Variants in ARHGEF18 observed in about 807,000 individuals in gnomAD.
The protein encoded by ARHGEF18 is rho guanine nucleotide exchange factor 18.
ARHGEF18 carries 93 observed loss-of-function variants against 155.7 expected under a neutral mutation model. That is an observed-to-expected ratio of 0.60 (90% CI 0.50 to 0.71). The LOEUF (loss-of-function observed/expected upper bound fraction) is 0.71. Among genes scored for constraint, ARHGEF18 ranks in the 30% least tolerant of loss-of-function variants. The probability of loss-of-function intolerance (pLI) is 0.00; values close to 1 mark genes in which losing one functional copy is unlikely to be tolerated. For synonymous variants in ARHGEF18, 742 were observed against 753.1 expected, an observed-to-expected ratio of 0.99 and a Z score of 0.24; for missense variants, 1,593 against 1,816.1, an observed-to-expected ratio of 0.88 and a Z score of 2.23.
chr19:7,370,071 C>A (rs975834344), intron 2 of ARHGEF18, among the ~76,000 whole-genome samples: 1 of 151,962 alleles, frequency 6.6e-6, no homozygotes, highest in Admixed American at 6.6e-5. Context: ...GTGGTGCACA[C>A]CTGTAATCCC....
Position 7,463,417 on chromosome 19 carries a change from A to G in ARHGEF18, c.2636-401A>G, listed in dbSNP as rs149832278. On this transcript the variant is annotated intron_variant, in intron 21 of 28. Coordinates refer to ENST00000668164, the MANE Select transcript of ARHGEF18 (RefSeq NM_001367823.1). This position sits in a 1 kb window ranked among gnomAD's most constrained non-coding sequence, Gnocchi z 5.2. Reference sequence around the variant, plus strand: ...CCCTTCCCCACAAAGTCACTCTCCCATATGGCCATTGTCACACAATCAGTG... The same window carrying G: ...CCCTTCCCCACAAAGTCACTCTCCCGTATGGCCATTGTCACACAATCAGTG... Among the ~76,000 whole-genome samples, 182 of 152,282 alleles carry G rather than the reference A, an allele frequency of 1.2e-3. No individual in the cohort carries two copies. In the Middle Eastern group the frequency reaches 0.034, roughly 28 times the overall value.
intron 10 of ARHGEF18, among the ~76,000 whole-genome samples, chr19:7,409,694 G>A (rs994721672): frequency 2.0e-5 from 3 of 151,698 alleles, no homozygotes; most frequent in East Asian, 1.9e-4. Flanking sequence ...GGCCCACCTC[G>A]GCCTCCCAGA....
In ARHGEF18 at chr19:7,459,650, T is replaced by C. The variant is rs979141659; in HGVS notation, c.2361-253T>C. 2.6e-5 allele frequency among the ~76,000 whole-genome samples: 4 copies of C among 152,268 alleles called. No individual in the cohort carries two copies. The South Asian group carries it at 8.3e-4, about 31-fold the overall frequency. ...CCTGGCAGGTCCTCTGCAAGCCCGC[T>C]GTCCCCTGGACTCCTCCTCTAAGTC... On this transcript the variant is annotated intron_variant, in intron 19 of 28. Transcript: ENST00000668164.
In ARHGEF18 at chr19:7,418,472, C is replaced by T. The variant is rs1271072706; in HGVS notation, c.968-21872C>T. Among the ~76,000 whole-genome samples, 5 of 151,600 alleles carry T rather than the reference C, an allele frequency of 3.3e-5. No individual in the cohort carries two copies. In the East Asian group the frequency reaches 9.7e-4, roughly 29 times the overall value. ...GTTTTGCAATGTTACCCAGACTGGT[C>T]TCAAACTCCTGGGCTCAAGCATTCC... On this transcript the variant is annotated intron_variant, in intron 10 of 28. Transcript: ENST00000668164.
rs1272087386 is a variant in ARHGEF18 at position 7,470,549 on chromosome 19, TG to T, written c.*253del. 7.4e-6 allele frequency: 3 copies of T among 403,052 alleles called. No homozygotes were observed. The highest frequency in any genetic ancestry group is 1.3e-5 in the Non-Finnish European group (3 of 231,602). The allele number at this position is 403,052 out of a possible 1,614,324, so 25.0% of individuals were successfully genotyped here. A position where few individuals can be genotyped will look rare whatever the true frequency, so the allele number is the denominator to read the frequency against. On this transcript the variant is annotated 3_prime_UTR_variant, in exon 29 of 29. Coordinates refer to ENST00000668164, the MANE Select transcript of ARHGEF18 (RefSeq NM_001367823.1). This position sits in a 1 kb window ranked among gnomAD's most constrained non-coding sequence, Gnocchi z 5.9. The stretch of plus-strand genomic sequence containing the variant: ...TTTTTTCAAAAAGGAAAGTTTTTAA[TG>T]GAAAGTTGAGCCAGAACTAAACCAG...
At chr19:7,380,493 CTG>C (rs1255499365) in intron 7 of ARHGEF18, among the ~76,000 whole-genome samples, 2 of 131,970 alleles carry the variant, frequency 1.5e-5, no homozygotes, top group Non-Finnish European at 3.2e-5. Context: ...AAAAAAAAAA[CTG>C]TGTAAGATTT....
intron 10 of ARHGEF18, among the ~76,000 whole-genome samples, chr19:7,431,939 T>C (rs1460312228): frequency 1.3e-5 from 2 of 152,218 alleles, no homozygotes; most frequent in Non-Finnish European, 2.9e-5. Flanking sequence ...GACGTGTAGT[T>C]TGGGGTAGGA....
chr19:7,458,572 G>C lies in ARHGEF18; in HGVS notation c.2242G>C (p.Glu748Gln), dbSNP rs1385587741. 3 of 1,614,160 alleles carry C rather than the reference G, an allele frequency of 1.9e-6. No homozygotes were observed. The highest frequency in any genetic ancestry group is 4.5e-5 in the East Asian group (2 of 44,866). The change falls in exon 19 of 29, where the codon GAG becomes CAG. Residue 748 changes from glutamate to glutamine, a missense_variant. By Grantham distance (29) the Glu-to-Gln change is conservative. Transcript: ENST00000668164. ...KLIVREVANE[E>Q]KAMFLISASL... ...CATCGTGAGGGAAGTGGCCAACGAG[G>C]AGAAAGCGATGTTTCTGATCAGCGC...
chr19:7,453,630 C>T lies in ARHGEF18; in HGVS notation c.2019C>T (p.Leu673=), dbSNP rs755502430. 3.1e-6 allele frequency: 5 copies of T among 1,612,548 alleles called. 1 individual carries two copies. The highest frequency in any genetic ancestry group is 2.2e-5 in the East Asian group (1 of 44,834). The change falls in exon 17 of 29, where the codon CTC becomes CTT. Residue 673 remains leucine (L), a synonymous_variant. Transcript: ENST00000668164. ...CTTCCAGCAAACTCAAGAACGGGCT[C>T]ACCTTCCGCAAGGAAGACATGCTTC... is the stretch of plus-strand genomic sequence containing the variant. ...LKSSSKLKNG[L]TFRKEDMLQR...
rs1386302480 is a variant in ARHGEF18, at chr19:7,463,469, A to C, written c.2636-349A>C. Among the ~76,000 whole-genome samples, 1 of 152,052 alleles carries C rather than the reference A, an allele frequency of 6.6e-6. No homozygotes were observed. Among genetic ancestry groups the C allele is most frequent in the Non-Finnish European group, 1.5e-5 (1 of 67,992 alleles). On this transcript the variant is annotated intron_variant, in intron 21 of 28. Transcript: ENST00000668164. The surrounding 1 kb of genome is among the most constrained non-coding windows in gnomAD (Gnocchi z 5.2). ...ATGGTCATTGTCATATAACACACCA[A>C]GTGTTTCCTGCTGGCCCTGGGCAGG...
At chr19:7,383,320 C>T (rs1970836966) in intron 10 of ARHGEF18, 117 bp downstream of exon 10, 2 of 1,160,018 alleles carry the variant, frequency 1.7e-6, no homozygotes, top group Non-Finnish European at 2.2e-6. Flanking sequence ...CTGTTTTGCC[C>T]TCTCCTCGGC....
chr19:7,350,119 C>T (rs934341665), intron 1 of ARHGEF18, among the ~76,000 whole-genome samples: 9 of 152,142 alleles, frequency 5.9e-5, no homozygotes, highest in South Asian at 2.1e-4. Flanking sequence ...CCTGCACCAC[C>T]GCCTGCCTGG....
Position 7,376,676 on chromosome 19 carries a change from A to G in ARHGEF18, c.460A>G (p.Arg154Gly). Reference protein sequence around the residue: ...CDSPKKRGRSRSVPVSFYEIR... With the variant: ...CDSPKKRGRSGSVPVSFYEIR... The stretch of plus-strand genomic sequence containing the variant: ...CAGCCCCAAGAAAAGAGGGAGGTCA[A>G]GGTCCGTTCCTGTGTCCTTCTATGA... The change falls in exon 5 of 29, where the codon AGG becomes GGG. Residue 154 changes from arginine to glycine, a missense_variant. By Grantham distance (125) the Arg-to-Gly change is moderately radical. Coordinates refer to ENST00000668164, the MANE Select transcript of ARHGEF18 (RefSeq NM_001367823.1). The G allele has an allele frequency of 8.1e-7, 1 of 1,234,484 alleles. No individual in the cohort carries two copies. 76.5% of individuals were successfully genotyped at this position (1,234,484 alleles called of 1,614,324 possible).
At chr19:7,436,646 T>G (rs1022627624) in intron 10 of ARHGEF18, among the ~76,000 whole-genome samples, 4 of 152,102 alleles carry the variant, frequency 2.6e-5, no homozygotes, top group African/African-American at 7.2e-5. Context: ...CTGATTTCAG[T>G]CAAGACCTCA....
Position 7,404,550 on chromosome 19 carries a change from C to T in ARHGEF18, c.967+21347C>T, listed in dbSNP as rs150204935. Among the ~76,000 whole-genome samples, 1,665 of 149,836 alleles carry T rather than the reference C, an allele frequency of 0.011. 123 individuals are homozygous for T. In the East Asian group the frequency reaches 0.19, roughly 17 times the overall value. On this transcript the variant is annotated intron_variant, in intron 10 of 28. Transcript: ENST00000668164. Reference sequence around the variant, plus strand: ...TCTCGGCTCACTGCAATCTCCGTCTCCCGGGTTCAAGTGATTCTCCTGCCT... The same window carrying T: ...TCTCGGCTCACTGCAATCTCCGTCTTCCGGGTTCAAGTGATTCTCCTGCCT...
chr19:7,397,391 A>G (rs765324812), intron 10 of ARHGEF18, among the ~76,000 whole-genome samples: 2 of 151,908 alleles, frequency 1.3e-5, no homozygotes, highest in Non-Finnish European at 2.9e-5. Context: ...ACAAACTCCC[A>G]AGTAGCTGGG....
rs1432147539 is a variant in ARHGEF18, at chr19:7,395,598, G to A, written c.967+12395G>A. On this transcript the variant is annotated intron_variant, in intron 10 of 28. Coordinates refer to ENST00000668164, the MANE Select transcript of ARHGEF18 (RefSeq NM_001367823.1). This position sits in a 1 kb window ranked among gnomAD's most constrained non-coding sequence, Gnocchi z 5.0. ...CCTCGTTCAGGAGCGCCCGGGGCAG[G>A]ACCAGGGATGGAATGGAACCCACCA... Among the ~76,000 whole-genome samples, 4 of 152,100 alleles carry A rather than the reference G, an allele frequency of 2.6e-5. No individual in the cohort carries two copies. Among genetic ancestry groups the A allele is most frequent in the Non-Finnish European group, 5.9e-5 (4 of 68,004 alleles).
chr19:7,407,533 G>A (rs981614489), intron 10 of ARHGEF18, among the ~76,000 whole-genome samples: 10 of 152,124 alleles, frequency 6.6e-5, no homozygotes, highest in East Asian at 1.9e-4. Flanking sequence ...TTTGCACAGC[G>A]AATCCACTTT....
rs1970565335 is a variant in ARHGEF18, at chr19:7,378,470, G to T, written c.599+19G>T. ...ATCACGTGTGAGTTTCTGCCTCGTGGTGGGGGAGGGACCCCCAGGGAACAG... is the reference window on the plus strand; with the variant it reads ...ATCACGTGTGAGTTTCTGCCTCGTGTTGGGGGAGGGACCCCCAGGGAACAG... On this transcript the variant is annotated intron_variant, in intron 6 of 28. Transcript: ENST00000668164. 1 of 1,234,394 alleles carries T rather than the reference G, an allele frequency of 8.1e-7. No individual in the cohort carries two copies. The highest frequency in any genetic ancestry group is 4.1e-5 in the South Asian group (1 of 24,420). The allele number at this position is 1,234,394 out of a possible 1,614,324, so 76.5% of individuals were successfully genotyped here.
Sources: gnomAD v4.1 joint callset for allele counts (sites outside exome capture counted in the v4.1 genomes callset) on GRCh38, gnomAD v4.1.1 for gene constraint, Gnocchi (gnomAD v3.1) non-coding constraint, MANE v1.5 for transcripts, NCBI Gene and HGNC (gene_info 2026-07-23, HGNC 2026-07-21) for gene names.